NR2F1-AS1: variants seen among roughly 807,000 people sequenced by gnomAD.
NR2F1-AS1 encodes NR2F1 regulatory antisense RNA 1.
Position 93,434,450 on chromosome 5 carries a change from C to T in NR2F1-AS1, n.639-38908G>A, listed in dbSNP as rs550099281. 1.9e-3 allele frequency among the ~76,000 whole-genome samples: 283 copies of T among 152,286 alleles called. 3 individuals are homozygous for T. The highest frequency in any genetic ancestry group is 6.5e-3 in the African/African-American group (272 of 41,562). On this transcript the variant is annotated intron_variant and non_coding_transcript_variant, in intron 4 of 5. Transcript: ENST00000660523. ...TGCCACAATTGCTGTATCATTCTTTCTTGCCCTTCCCCTTCCCCCTCTCTT... is the reference window on the plus strand; with the variant it reads ...TGCCACAATTGCTGTATCATTCTTTTTTGCCCTTCCCCTTCCCCCTCTCTT...
chr5:93,453,751 G>GA (rs887019645), intron 4 of NR2F1-AS1, among the ~76,000 whole-genome samples: 7 of 151,966 alleles, frequency 4.6e-5, no homozygotes, highest in African/African-American at 1.7e-4. Context: ...TTCTATACAG[G>GA]AAAAAATATA....
intron 4 of NR2F1-AS1, among the ~76,000 whole-genome samples, chr5:93,490,396 G>A (rs898223656): frequency 2.0e-5 from 3 of 152,202 alleles, no homozygotes; most frequent in African/African-American, 4.8e-5. Context: ...GAGAAGAAAG[G>A]GAGGTGGTAA....
intron 4 of NR2F1-AS1, among the ~76,000 whole-genome samples, chr5:93,535,892 A>T (rs1177313643): frequency 6.6e-6 from 1 of 152,194 alleles, no homozygotes; most frequent in Non-Finnish European, 1.5e-5. Context: ...GATCAGGAAG[A>T]AGACAAGGAT....
chr5:93,578,709 G>A (rs1752952676), intron 1 of NR2F1-AS1, among the ~76,000 whole-genome samples: 1 of 152,196 alleles, frequency 6.6e-6, no homozygotes, highest in Admixed American at 6.5e-5. Flanking sequence ...AGAAGAGGGG[G>A]TGGGTGAAAG....
At chr5:93,539,877 TATA>T (rs1239006568) in intron 4 of NR2F1-AS1, among the ~76,000 whole-genome samples, 7 of 152,106 alleles carry the variant, frequency 4.6e-5, no homozygotes, top group Non-Finnish European at 7.4e-5. Context: ...CATATATAAT[TATA>T]ATGTGTCAAT....
At chr5:93,494,411 C>T (rs1750917044) in intron 4 of NR2F1-AS1, among the ~76,000 whole-genome samples, 1 of 152,150 alleles carries the variant, frequency 6.6e-6, no homozygotes, top group African/African-American at 2.4e-5. Flanking sequence ...TTGGGATGAT[C>T]ACTTGAGCCC....
At chr5:93,528,257 T>A (rs1751663437) in intron 4 of NR2F1-AS1, among the ~76,000 whole-genome samples, 1 of 152,098 alleles carries the variant, frequency 6.6e-6, no homozygotes, top group Non-Finnish European at 1.5e-5. Flanking sequence ...AAAAAGCTCA[T>A]CATCACTGGT....
intron 1 of NR2F1-AS1, among the ~76,000 whole-genome samples, chr5:93,572,552 C>A (rs544190067): frequency 2.0e-5 from 3 of 152,214 alleles, no homozygotes; most frequent in Non-Finnish European, 2.9e-5. Flanking sequence ...CGCTGTCAGC[C>A]CGAGCTGGGC....
chr5:93,536,048 T>C (rs1751830558), intron 4 of NR2F1-AS1, among the ~76,000 whole-genome samples: 1 of 152,012 alleles, frequency 6.6e-6, no homozygotes, highest in East Asian at 1.9e-4. Context: ...TAGAAAACCC[T>C]AAAGACTCCA....
At chr5:93,441,585 T>A (rs1288445765) in intron 4 of NR2F1-AS1, among the ~76,000 whole-genome samples, 1 of 152,232 alleles carries the variant, frequency 6.6e-6, no homozygotes, top group Non-Finnish European at 1.5e-5. Context: ...AAGATCAAGG[T>A]AGCTCAACTT....
chr5:93,548,187 G>A (rs1166679721), intron 4 of NR2F1-AS1, among the ~76,000 whole-genome samples: 2 of 151,986 alleles, frequency 1.3e-5, no homozygotes, highest in Admixed American at 6.6e-5. Flanking sequence ...TGCTCAATGG[G>A]AGCAATTAAG....
upstream of NR2F1-AS1, among the ~76,000 whole-genome samples, chr5:93,581,593 C>CGG (rs1554074044): frequency 6.6e-6 from 1 of 151,278 alleles, no homozygotes; most frequent in East Asian, 2.0e-4. Flanking sequence ...GCAAGCCCCG[C>CGG]CGCGGGACCC....
At chr5:93,477,345 G>GT (rs1011485542) in intron 4 of NR2F1-AS1, among the ~76,000 whole-genome samples, 3 of 152,060 alleles carry the variant, frequency 2.0e-5, no homozygotes, top group African/African-American at 7.2e-5. Flanking sequence ...AAAACTATTT[G>GT]TTTCTTAGTA....
intron 4 of NR2F1-AS1, among the ~76,000 whole-genome samples, chr5:93,524,943 C>G (rs1264238846): frequency 6.6e-6 from 1 of 152,162 alleles, no homozygotes; most frequent in East Asian, 1.9e-4. Context: ...GAAGAAATTG[C>G]ACGAACTAAC....
At chr5:93,440,193 G>GTCTCTCTC (rs374272400) in intron 4 of NR2F1-AS1, among the ~76,000 whole-genome samples, 2 of 143,956 alleles carry the variant, frequency 1.4e-5, no homozygotes, top group Admixed American at 1.4e-4. Flanking sequence ...CTCTCTCTCT[G>GTCTCTCTC]TCTCTCTCTC....
At chr5:93,476,042 T>C (rs1750478072) in intron 4 of NR2F1-AS1, among the ~76,000 whole-genome samples, 1 of 152,244 alleles carries the variant, frequency 6.6e-6, no homozygotes, top group Non-Finnish European at 1.5e-5. Context: ...TCAGTCTGTT[T>C]TCTCTTTTTG....
At chr5:93,558,487 A>AT (rs1162207575) in intron 2 of NR2F1-AS1, among the ~76,000 whole-genome samples, 2 of 151,596 alleles carry the variant, frequency 1.3e-5, no homozygotes, top group African/African-American at 2.4e-5. Flanking sequence ...CGCCCAGCTA[A>AT]TTTTTTGTAT....
At chr5:93,582,475 T>C (rs1753125470), upstream of NR2F1-AS1, among the ~76,000 whole-genome samples, 1 of 152,152 alleles carries the variant, frequency 6.6e-6, no homozygotes, top group Middle Eastern at 3.2e-3. Context: ...ACCCTGTTTC[T>C]ACTTGTTTCT....
At chr5:93,486,353 C>T (rs898839475) in intron 4 of NR2F1-AS1, among the ~76,000 whole-genome samples, 6 of 151,576 alleles carry the variant, frequency 4.0e-5, no homozygotes, top group South Asian at 4.2e-4. Context: ...GCTAGCCAGA[C>T]TAATACAGAA....
Sources: gnomAD v4.1 joint callset for allele counts (sites outside exome capture counted in the v4.1 genomes callset) on GRCh38, gnomAD v4.1.1 for gene constraint, MANE v1.5 for transcripts, NCBI Gene and HGNC (gene_info 2026-07-23, HGNC 2026-07-21) for gene names.